The following SVOP variants were observed in gnomAD, a reference collection of about 807,000 sequenced individuals.
SVOP encodes the protein synaptic vesicle 2-related protein.
In SVOP, 17 loss-of-function variants were observed where a neutral mutation model predicts 69.1. The ratio of observed to expected loss-of-function variants is 0.25; its 90% CI spans 0.17 to 0.37. The LOEUF (loss-of-function observed/expected upper bound fraction) is 0.37. SVOP is among the 10% of genes least tolerant of loss of function. The pLI, the probability that SVOP is intolerant of heterozygous loss-of-function variation, is 1.00. For missense variants in SVOP, 435 were observed against 597.5 expected (o/e 0.73, Z 2.84); for synonymous variants, 238 against 238.6 (o/e 1.00, Z 0.02).
intron 1 of SVOP, among the ~76,000 whole-genome samples, chr12:109,003,478 A>G (rs1189122094): frequency 6.6e-6 from 1 of 152,194 alleles, no homozygotes; most frequent in Non-Finnish European, 1.5e-5. Flanking sequence ...ATGAAGAGGA[A>G]AATTGTGAGC....
chr12:108,958,671 C>A (rs934694162), intron 6 of SVOP, among the ~76,000 whole-genome samples: 3 of 152,138 alleles, frequency 2.0e-5, no homozygotes, highest in African/African-American at 7.2e-5. Flanking sequence ...AGGACTGAGG[C>A]TTTTATTCCC....
chr12:108,945,336 C>T (rs2039916404), intron 6 of SVOP, among the ~76,000 whole-genome samples, 170 bp from the exon 7 acceptor site: 1 of 152,156 alleles, frequency 6.6e-6, no homozygotes, highest in African/African-American at 2.4e-5. Flanking sequence ...TAGCTCCCTC[C>T]CTTCCTAGAC....
At chr12:108,927,325 T>C (rs562020816) in intron 11 of SVOP, among the ~76,000 whole-genome samples, 1 of 152,352 alleles carries the variant, frequency 6.6e-6, no homozygotes, top group Non-Finnish European at 1.5e-5. Flanking sequence ...AGACTTTAAG[T>C]AATTCTTAAC....
chr12:108,974,557 T>C (rs1303911261), intron 4 of SVOP, among the ~76,000 whole-genome samples: 1 of 151,790 alleles, frequency 6.6e-6, no homozygotes, highest in South Asian at 2.1e-4. Context: ...GTGGTGAAAC[T>C]CTGTCTCTAC....
intron 11 of SVOP, among the ~76,000 whole-genome samples, chr12:108,927,912 T>A (rs545918647): frequency 0.012 from 1,801 of 150,708 alleles, 45 homozygotes; most frequent in African/African-American, 0.042. Context: ...AAACTCTTTT[T>A]TTTTTTTTTT....
At chr12:108,981,981 C>A (rs1231995270) in intron 2 of SVOP, among the ~76,000 whole-genome samples, 1 of 151,878 alleles carries the variant, frequency 6.6e-6, no homozygotes, top group African/African-American at 2.4e-5. Context: ...TCACCACCAT[C>A]ATCTTCATCA....
At chr12:108,995,894 T>G (rs2040229172) in intron 1 of SVOP, among the ~76,000 whole-genome samples, 1 of 148,118 alleles carries the variant, frequency 6.8e-6, no homozygotes, top group African/African-American at 2.5e-5. Flanking sequence ...GCAGGTAGAC[T>G]CTGTCTCAAA....
intron 15 of SVOP, among the ~76,000 whole-genome samples, chr12:108,912,959 AC>A (rs2039693826): frequency 6.6e-6 from 1 of 152,044 alleles, no homozygotes; most frequent in Non-Finnish European, 1.5e-5. Context: ...CTGAGGCCTC[AC>A]CAGAAGCCAA....
chr12:108,977,880 T>C (rs1332075367), intron 3 of SVOP, among the ~76,000 whole-genome samples: 1 of 152,202 alleles, frequency 6.6e-6, no homozygotes, highest in Non-Finnish European at 1.5e-5. Context: ...AGGTCATTTG[T>C]TCATGTAGAA....
chr12:108,943,637 C>T (rs4075292), intron 7 of SVOP, among the ~76,000 whole-genome samples: 80,049 of 151,130 alleles, frequency 0.53, 22,267 homozygotes, highest in South Asian at 0.63. Flanking sequence ...GTTATACAGG[C>T]CCATACCACC....
chr12:108,921,997 G>A (rs550656256), intron 12 of SVOP, among the ~76,000 whole-genome samples: 76 of 152,248 alleles, frequency 5.0e-4, no homozygotes, highest in African/African-American at 1.7e-3. Context: ...TTTGCATCAC[G>A]TGCAGGTTTG....
At chr12:108,996,985 G>C (rs930849765) in intron 1 of SVOP, among the ~76,000 whole-genome samples, 5 of 152,112 alleles carry the variant, frequency 3.3e-5, no homozygotes, top group African/African-American at 4.8e-5. Context: ...GAACAGCTCC[G>C]GTCTACAGCT....
intron 1 of SVOP, among the ~76,000 whole-genome samples, chr12:108,999,491 C>A (rs1234994038): frequency 2.2e-5 from 3 of 136,460 alleles, no homozygotes; most frequent in African/African-American, 5.4e-5. Context: ...CTCTCCACCC[C>A]AAATCAACAG....
chr12:109,010,528 T>G (rs2040336021), intron 1 of SVOP, among the ~76,000 whole-genome samples: 1 of 152,116 alleles, frequency 6.6e-6, no homozygotes, highest in African/African-American at 2.4e-5. Flanking sequence ...TTTGTTTGGT[T>G]TTTCAGACTG....
intron 2 of SVOP, among the ~76,000 whole-genome samples, chr12:108,983,316 CCATCAT>C (rs1296630109): frequency 2.0e-5 from 3 of 151,750 alleles, no homozygotes; most frequent in Admixed American, 6.6e-5. Context: ...ATCACCACCA[CCATCAT>C]CATCATCATC....
chr12:108,982,131 C>G (rs1034923931), intron 2 of SVOP, among the ~76,000 whole-genome samples: 1 of 151,936 alleles, frequency 6.6e-6, no homozygotes, highest in Admixed American at 6.6e-5. Context: ...TCATCATCAT[C>G]ATCACTATCA....
At chr12:108,954,034 C>T (rs1311327323) in intron 6 of SVOP, among the ~76,000 whole-genome samples, 1 of 151,158 alleles carries the variant, frequency 6.6e-6, no homozygotes, top group African/African-American at 2.4e-5. Context: ...ATCGCTTGAA[C>T]CCAGGAGGTG....
intron 6 of SVOP, among the ~76,000 whole-genome samples, chr12:108,955,304 C>T (rs993841774): frequency 6.6e-6 from 1 of 152,180 alleles, no homozygotes; most frequent in Admixed American, 6.5e-5. Flanking sequence ...AAAACGGTAT[C>T]GTCCTCAATG....
intron 1 of SVOP, among the ~76,000 whole-genome samples, chr12:109,007,827 C>A (rs2040317482): frequency 6.6e-6 from 1 of 152,092 alleles, no homozygotes; most frequent in Non-Finnish European, 1.5e-5. Context: ...CACCTGAGCC[C>A]AGGAGTTCGA....
Sources: gnomAD v4.1 joint callset for allele counts (sites outside exome capture counted in the v4.1 genomes callset) on GRCh38, gnomAD v4.1.1 for gene constraint, MANE v1.5 for transcripts, NCBI Gene and HGNC (gene_info 2026-07-23, HGNC 2026-07-21) for gene names.